Variants in LAP3 observed in about 807,000 individuals in gnomAD.
The protein encoded by LAP3 is cytosol aminopeptidase.
A neutral mutation model predicts 58.8 loss-of-function variants in LAP3; 46 were observed. The observed-to-expected ratio is 0.78, with a 90% CI of 0.62 to 1.00. The LOEUF is 1.00. Among genes scored for constraint, LAP3 ranks in the 50% least tolerant of loss-of-function variants. The pLI is 0.00. For synonymous variants in LAP3, 257 were observed against 237.7 expected (o/e 1.08, Z -0.75); for missense variants, 615 against 659.1 (o/e 0.93, Z 0.73).
chr4:17,596,200 C>T (rs1005850633), intron 8 of LAP3, among the ~76,000 whole-genome samples: 4 of 152,046 alleles, frequency 2.6e-5, no homozygotes, highest in South Asian at 2.1e-4. Context: ...GCAGACATCA[C>T]GACACGTCCT....
intron 7 of LAP3, 107 bp from the exon 8 acceptor site, chr4:17,595,303 G>C: frequency 1.5e-6 from 2 of 1,302,368 alleles, no homozygotes; most frequent in Non-Finnish European, 2.1e-6. Context: ...CTCCCAAAGT[G>C]CTGGGATTAC....
At chr4:17,606,395 G>A (rs139651761) in intron 11 of LAP3, among the ~76,000 whole-genome samples, 82 of 152,144 alleles carry the variant, frequency 5.4e-4, no homozygotes, top group African/African-American at 1.7e-3. Context: ...CTGGAGTGCC[G>A]TGGCACTCCG....
intron 2 of LAP3, among the ~76,000 whole-genome samples, chr4:17,580,648 C>T (rs1259637113): frequency 1.3e-5 from 2 of 152,144 alleles, no homozygotes; most frequent in African/African-American, 4.8e-5. Flanking sequence ...AGAGCAGGAT[C>T]CCTAGGATAG....
chr4:17,579,507 C>G (rs922660408), intron 1 of LAP3, among the ~76,000 whole-genome samples: 73 of 152,272 alleles, frequency 4.8e-4, no homozygotes, highest in African/African-American at 1.7e-3. Context: ...ATCTTGGTGA[C>G]AAATAGATTT....
At chr4:17,598,378 G>A (rs751053090) in intron 9 of LAP3, 78 bp from the exon 10 acceptor site, 388 of 1,055,028 alleles carry the variant, frequency 3.7e-4, no homozygotes, top group Non-Finnish European at 3.8e-4. Flanking sequence ...CAACTTTTCC[G>A]TCGAACACTG....
chr4:17,583,740 C>CCAAGCCACGCAGCTG, intron 5 of LAP3, 98 bp downstream of exon 5: 1 of 1,371,412 alleles, frequency 7.3e-7, no homozygotes, highest in Non-Finnish European at 1.0e-6. Flanking sequence ...CCACCCACAG[C>CCAAGCCACGCAGCTG]TGCGTGGCTT....
chr4:17,582,231 C>A, intron 3 of LAP3, 57 bp from the exon 4 acceptor site: 3 of 1,404,608 alleles, frequency 2.1e-6, no homozygotes, highest in Non-Finnish European at 3.0e-6. Flanking sequence ...GAATTCCTTG[C>A]TGGAAATGAA....
chr4:17,578,801 C>T (rs1248293197), intron 1 of LAP3, among the ~76,000 whole-genome samples: 1 of 152,132 alleles, frequency 6.6e-6, no homozygotes, highest in Non-Finnish European at 1.5e-5. Flanking sequence ...TGCTTCTACC[C>T]TCCCTAGGAA....
chr4:17,587,569 G>A (rs1713561036), intron 6 of LAP3: 1 of 152,428 alleles, frequency 6.6e-6, no homozygotes, highest in South Asian at 2.1e-4. Flanking sequence ...GCAAATGCCG[G>A]AGGAGCATTC....
At chr4:17,598,703 T>G in intron 10 of LAP3, 145 bp downstream of exon 10, 1 of 624,694 alleles carries the variant, frequency 1.6e-6, no homozygotes, top group South Asian at 1.9e-5. Flanking sequence ...GGAATTGTTC[T>G]GCAGTTGTAA....
intron 6 of LAP3, among the ~76,000 whole-genome samples, chr4:17,587,934 C>T (rs4698622): frequency 0.73 from 111,244 of 151,436 alleles, 41,552 homozygotes; most frequent in East Asian, 0.93. Context: ...GGTTTGCTGT[C>T]TGTTGGTTGA....
chr4:17,579,399 T>C (rs989658464), intron 1 of LAP3, among the ~76,000 whole-genome samples: 2 of 152,238 alleles, frequency 1.3e-5, no homozygotes, highest in Non-Finnish European at 1.5e-5. Context: ...AGAGAGTACC[T>C]CTGCACCTGC....
rs756389161 is a variant in LAP3, at chr4:17,585,122, C to T, written c.690C>T (p.Thr230=). 1.6e-5 allele frequency: 26 copies of T among 1,613,006 alleles called. No individual in the cohort carries two copies. The highest frequency in any genetic ancestry group is 1.6e-4 in the Middle Eastern group (1 of 6,062). The change falls in exon 6 of 13, where the codon ACC becomes ACT. Residue 230 remains threonine, a synonymous_variant. Transcript: ENST00000226299. The stretch of plus-strand genomic sequence containing the variant: ...ATCTCAAAAGTGCTAGTAGTAAAAC[C>T]GAGGTCCATATCAGGTAATTCAGGA... The part of the protein sequence containing the change: ...EKNLKSASSK[T]EVHIRPKSWI...
At chr4:17,603,351 G>GT (rs1255204836) in intron 10 of LAP3, among the ~76,000 whole-genome samples, 1 of 151,918 alleles carries the variant, frequency 6.6e-6, no homozygotes, top group Non-Finnish European at 1.5e-5. Context: ...GGATGGCCTT[G>GT]TTTTTTATGA....
At chr4:17,602,460 A>T (rs1016879857) in intron 10 of LAP3, among the ~76,000 whole-genome samples, 2 of 152,222 alleles carry the variant, frequency 1.3e-5, no homozygotes, top group Admixed American at 1.3e-4. Context: ...ATGCTAATTA[A>T]TGTAAAAATA....
chr4:17,599,437 G>A (rs1436120635), intron 10 of LAP3, among the ~76,000 whole-genome samples: 2 of 152,142 alleles, frequency 1.3e-5, no homozygotes, highest in African/African-American at 4.8e-5. Context: ...TCGGGAGGCT[G>A]AGGCAGGAGA....
chr4:17,577,486 G>C lies in LAP3; in HGVS notation c.21G>C (p.Pro7=), dbSNP rs1713232024. 1.9e-6 allele frequency: 3 copies of C among 1,581,994 alleles called. No individual in the cohort carries two copies. Among genetic ancestry groups the C allele is most frequent in the Non-Finnish European group, 2.6e-6 (3 of 1,165,866 alleles). ...ACAAGATGTTCTTGCTGCCTCTTCC[G>C]GCTGCGGGGCGAGTAGTCGTCCGAC... is the stretch of plus-strand genomic sequence containing the variant. MFLLPL[P]AAGRVVVRRL... The change falls in exon 1 of 13, where the codon CCG becomes CCC. Residue 7 remains proline (P), a synonymous_variant. Coordinates refer to ENST00000226299, the MANE Select transcript of LAP3 (RefSeq NM_015907.3).
intron 7 of LAP3, among the ~76,000 whole-genome samples, chr4:17,592,459 T>C (rs1713711165): frequency 6.6e-6 from 1 of 152,232 alleles, no homozygotes; most frequent in Non-Finnish European, 1.5e-5. Flanking sequence ...TGTTTACCCA[T>C]TCATCTATTG....
chr4:17,597,306 C>G (rs1245198201), intron 9 of LAP3, among the ~76,000 whole-genome samples, 172 bp downstream of exon 9: 2 of 152,126 alleles, frequency 1.3e-5, no homozygotes, highest in African/African-American at 4.8e-5. Context: ...AATGGGGTCT[C>G]GCTGCATCAC....
Sources: gnomAD v4.1 joint callset for allele counts (sites outside exome capture counted in the v4.1 genomes callset) on GRCh38, gnomAD v4.1.1 for gene constraint, MANE v1.5 for transcripts, NCBI Gene and HGNC (gene_info 2026-07-23, HGNC 2026-07-21) for gene names.